Variants in SCN2A observed in about 807,000 individuals in gnomAD.
SCN2A encodes the protein sodium voltage-gated channel alpha subunit 2.
In SCN2A, 20 loss-of-function variants were observed where a neutral mutation model predicts 188.7. That is an observed-to-expected ratio of 0.11 (90% CI 0.07 to 0.15). The LOEUF (loss-of-function observed/expected upper bound fraction) is 0.15. SCN2A is among the 10% of genes least tolerant of loss of function. The pLI, the probability that SCN2A is intolerant of heterozygous loss-of-function variation, is 1.00. For synonymous variants in SCN2A, 804 were observed against 833.1 expected, an observed-to-expected ratio of 0.97 and a Z score of 0.60; for missense variants, 1,278 against 2,445.0, an observed-to-expected ratio of 0.52 and a Z score of 10.07.
chr2:165,304,661 G>A (rs1445612246), intron 3 of SCN2A, among the ~76,000 whole-genome samples: 1 of 152,098 alleles, frequency 6.6e-6, no homozygotes, highest in Non-Finnish European at 1.5e-5. Context: ...CTGGTAATAG[G>A]TCAATCTGAG....
At chr2:165,306,806 A>G (rs1197768958) in intron 3 of SCN2A, among the ~76,000 whole-genome samples, 1 of 152,170 alleles carries the variant, frequency 6.6e-6, no homozygotes, top group African/African-American at 2.4e-5. Context: ...GTGATCATTT[A>G]TAGTAAAAAC....
intron 1 of SCN2A, among the ~76,000 whole-genome samples, chr2:165,291,035 CTTTTT>C (rs55979694): frequency 2.1e-3 from 166 of 79,938 alleles, no homozygotes; most frequent in East Asian, 8.5e-3. Flanking sequence ...TCTTTTCTTT[CTTTTT>C]TTTTTTTTTT....
chr2:165,380,473 G>A, intron 23 of SCN2A, 119 bp from the exon 24 acceptor site: 1 of 729,636 alleles, frequency 1.4e-6, no homozygotes, highest in Non-Finnish European at 2.4e-6. Context: ...AATCTGTTTA[G>A]TGTTTGGTTT....
intron 1 of SCN2A, among the ~76,000 whole-genome samples, chr2:165,290,212 G>T (rs1696035464): frequency 6.6e-6 from 1 of 152,126 alleles, no homozygotes; most frequent in African/African-American, 2.4e-5. Context: ...GCATTTCTTT[G>T]TATTGGGAAC....
intron 1 of SCN2A, among the ~76,000 whole-genome samples, chr2:165,251,656 C>A (rs77106243): frequency 1.1e-3 from 163 of 152,104 alleles, no homozygotes; most frequent in African/African-American, 3.7e-3. Flanking sequence ...ATTATTATTT[C>A]CTCTTTTTGC....
Position 165,248,694 on chromosome 2 carries a change from A to G in SCN2A, c.-52+9054A>G, listed in dbSNP as rs187036007. 2.6e-3 allele frequency among the ~76,000 whole-genome samples: 390 copies of G among 151,854 alleles called. 1 individual carries two copies. Among genetic ancestry groups the G allele is most frequent in the Admixed American group, 6.8e-3 (104 of 15,238 alleles). On this transcript the variant is annotated intron_variant, in intron 1 of 26. Coordinates refer to ENST00000375437, the MANE Select transcript of SCN2A (RefSeq NM_001040142.2). ...CATCACATTATAGCATACTGTATAC[A>G]TTGCATTTCTCTTGTTGGTAATTTA...
chr2:165,350,541 C>G (rs13002155), intron 16 of SCN2A, among the ~76,000 whole-genome samples: 1 of 132,492 alleles, frequency 7.5e-6, no homozygotes, highest in African/African-American at 2.9e-5. Flanking sequence ...GGCGGGATCT[C>G]GGCTCACTGC....
intron 1 of SCN2A, among the ~76,000 whole-genome samples, chr2:165,293,536 G>A (rs185819030): frequency 5.3e-5 from 8 of 152,050 alleles, no homozygotes; most frequent in Non-Finnish European, 1.0e-4. Flanking sequence ...ATCTAAACAC[G>A]TCTAAACATA....
At chr2:165,368,099 G>A (rs946930920) in intron 19 of SCN2A, among the ~76,000 whole-genome samples, 1 of 152,162 alleles carries the variant, frequency 6.6e-6, no homozygotes, top group African/African-American at 2.4e-5. Context: ...GTAAATACAG[G>A]GGATTTTATT....
chr2:165,348,339 A>C (rs957818311), intron 16 of SCN2A, among the ~76,000 whole-genome samples: 4 of 150,188 alleles, frequency 2.7e-5, no homozygotes, highest in African/African-American at 9.9e-5. Context: ...AGCCTGGGTG[A>C]AAGAGCGAGA....
chr2:165,370,050 C>T (rs148388974), intron 19 of SCN2A, 76 bp from the exon 20 acceptor site: 23 of 1,309,080 alleles, frequency 1.8e-5, no homozygotes, highest in African/African-American at 1.0e-4. Flanking sequence ...GAGCTTGCAT[C>T]GTTTCCTTTT....
chr2:165,315,237 T>C (rs1050403980), intron 10 of SCN2A, among the ~76,000 whole-genome samples: 10 of 152,194 alleles, frequency 6.6e-5, no homozygotes, highest in African/African-American at 2.4e-4. Flanking sequence ...GATATCATAG[T>C]GTGAGGACAG....
intron 16 of SCN2A, among the ~76,000 whole-genome samples, chr2:165,353,754 C>A (rs1362669473): frequency 6.6e-6 from 1 of 152,070 alleles, no homozygotes; most frequent in African/African-American, 2.4e-5. Flanking sequence ...GAGGACAGCA[C>A]CAAGGCATGA....
Position 165,377,602 on chromosome 2 carries a change from G to A in SCN2A, c.4260G>A (p.Thr1420=), listed in dbSNP as rs138241682. ...TGATATGACTTTTCTTACAGGCCAC[G>A]TTTAAGGGATGGATGGATATTATGT... ...LGYLSLLQVA[T]FKGWMDIMYA... Residue 1420 remains threonine (T), a synonymous_variant, in exon 23 of 27, where the codon ACG becomes ACA. Transcript: ENST00000375437. 2.7e-5 allele frequency: 44 copies of A among 1,605,700 alleles called. No individual in the cohort carries two copies. Among genetic ancestry groups the A allele is most frequent in the East Asian group, 2.7e-4 (12 of 44,562 alleles).
chr2:165,386,774 T>C lies in SCN2A; in HGVS notation c.4580T>C (p.Phe1527Ser). Residue 1527 changes from phenylalanine (F) to serine (S), a missense_variant, in exon 26 of 27, where the codon TTT becomes TCT. Around this residue, in one of 17 missense-constraint regions of SCN2A, gnomAD observed 97 missense variants for 266.1 expected, o/e 0.36. Transcript: ENST00000375437. ...AAATTCCAAGGAATGGTCTTTGATT[T>C]TGTAACCAAACAAGTCTTTGATATC... ...ANKFQGMVFDFVTKQVFDISI... is the reference protein window; with the variant it reads ...ANKFQGMVFDSVTKQVFDISI... 6.2e-7 allele frequency: 1 copy of C among 1,613,766 alleles called. No individual in the cohort carries two copies. The highest frequency in any genetic ancestry group is 8.5e-7 in the Non-Finnish European group (1 of 1,179,772).
intron 14 of SCN2A, among the ~76,000 whole-genome samples, chr2:165,332,894 C>A (rs969138440): frequency 3.4e-4 from 52 of 152,016 alleles, no homozygotes; most frequent in African/African-American, 1.3e-3. Context: ...GAATCAGCTT[C>A]TTGTCTCTCT....
intron 1 of SCN2A, chr2:165,266,490 T>C (rs1694869490): frequency 6.6e-6 from 1 of 152,128 alleles, no homozygotes; most frequent in Non-Finnish European, 1.5e-5. Flanking sequence ...GGTTTCTGTT[T>C]CCTGTGTATC....
intron 1 of SCN2A, among the ~76,000 whole-genome samples, chr2:165,262,116 C>A (rs1453673387): frequency 6.6e-6 from 1 of 152,000 alleles, no homozygotes; most frequent in Non-Finnish European, 1.5e-5. Context: ...ATAGGTGGGA[C>A]TTTTTTTCAC....
Position 165,323,429 on chromosome 2 carries a change from G to T in SCN2A, c.1945G>T (p.Asp649Tyr). The T allele has an allele frequency of 6.2e-7, 1 of 1,613,976 alleles. No individual in the cohort carries two copies. Among genetic ancestry groups the T allele is most frequent in the Non-Finnish European group, 8.5e-7 (1 of 1,179,872 alleles). Residue 649 changes from aspartate to tyrosine, a missense_variant, in exon 12 of 27, where the codon GAC becomes TAC. Coordinates refer to ENST00000375437, the MANE Select transcript of SCN2A (RefSeq NM_001040142.2). ...PMNGKMHSAV[D>Y]CNGVVSLVGG... ...GAATGGGAAGATGCATAGCGCTGTG[G>T]ACTGCAATGGTGTGGTCTCCCTGGT...
Sources: allele counts gnomAD v4.1 joint callset (sites outside exome capture counted in the v4.1 genomes callset), GRCh38; gene constraint gnomAD v4.1.1; regional missense constraint gnomAD v4.1.1; transcripts MANE v1.5; gene names NCBI Gene and HGNC (gene_info 2026-07-23, HGNC 2026-07-21).